Variants in LRP1 observed in about 807,000 individuals in gnomAD.
LRP1 encodes prolow-density lipoprotein receptor-related protein 1.
LRP1 carries 51 observed loss-of-function variants against 541.5 expected under a neutral mutation model. The observed-to-expected ratio is 0.09, with a 90% CI of 0.08 to 0.12. LRP1 has a LOEUF of 0.12. Ranked by LOEUF, LRP1 falls within the 10% of genes least tolerant of loss-of-function variation. The pLI, the probability that LRP1 is intolerant of heterozygous loss-of-function variation, is 1.00. For synonymous variants in LRP1, 2,219 were observed against 2,470.8 expected (o/e 0.90, Z 3.02); for missense variants, 3,878 against 6,376.2 (o/e 0.61, Z 13.34).
intron 41 of LRP1, among the ~76,000 whole-genome samples, chr12:57,186,916 G>A (rs1381917733): frequency 6.6e-6 from 1 of 152,170 alleles, no homozygotes; most frequent in African/African-American, 2.4e-5. Flanking sequence ...TTTAAGTAGG[G>A]GGCTCCCCAG....
At chr12:57,147,695 G>T (rs1175797101) in intron 6 of LRP1, 1 of 152,248 alleles carries the variant, frequency 6.6e-6, no homozygotes, top group Non-Finnish European at 1.5e-5. Flanking sequence ...AGAAGGGGGA[G>T]CCTGCCCCAG....
At chr12:57,187,806 A>G (rs1339668557) in intron 42 of LRP1, among the ~76,000 whole-genome samples, 1 of 152,156 alleles carries the variant, frequency 6.6e-6, no homozygotes, top group Non-Finnish European at 1.5e-5. Context: ...TGTTTGTCGA[A>G]CCCTTCGTAC....
At chr12:57,190,682 T>C (rs1193978451) in intron 42 of LRP1, 123 bp from the exon 43 acceptor site, 56 of 769,452 alleles carry the variant, frequency 7.3e-5, no homozygotes, top group Non-Finnish European at 1.1e-4. Context: ...CTGGCCTCTA[T>C]GGCTCTGGGG....
intron 22 of LRP1, among the ~76,000 whole-genome samples, 184 bp from the exon 23 acceptor site, chr12:57,175,276 G>A (rs1565733512): frequency 6.6e-6 from 1 of 152,214 alleles, no homozygotes; most frequent in East Asian, 1.9e-4. Context: ...GGTCCTGAGG[G>A]AGCCCAGGAA....
intron 42 of LRP1, 33 bp downstream of exon 42, chr12:57,187,489 G>A (rs1033542119): frequency 1.6e-5 from 26 of 1,593,892 alleles, no homozygotes; most frequent in Non-Finnish European, 2.1e-5. Flanking sequence ...GGGTAGCAGG[G>A]AGAGGTGGGA....
chr12:57,207,322 TA>T (rs895081432), intron 76 of LRP1, among the ~76,000 whole-genome samples: 29 of 83,430 alleles, frequency 3.5e-4, no homozygotes, highest in Admixed American at 1.1e-3. Context: ...AATAAATAAA[TA>T]AAATAAAATA....
chr12:57,175,768 G>A, intron 23 of LRP1, 63 bp downstream of exon 23: 2 of 1,550,184 alleles, frequency 1.3e-6, no homozygotes, highest in Non-Finnish European at 1.7e-6. Flanking sequence ...CAGTGGGTTG[G>A]GCTTGGTGGC....
In LRP1 at chr12:57,191,606, G is replaced by A. The variant is rs34599145; in HGVS notation, c.7429+94G>A. 2.4e-3 allele frequency: 2,645 copies of A among 1,104,948 alleles called. 42 individuals carry two copies. The African/African-American group carries it at 0.038, about 16-fold the overall frequency. The allele number at this position is 1,104,948 out of a possible 1,614,324, so 68.4% of individuals were successfully genotyped here. On this transcript the variant is annotated intron_variant, in intron 44 of 88. Transcript: ENST00000243077. Reference sequence around the variant, plus strand: ...CACACACACATCGCACATACCACACGCACCCTACACATACCACACACACAC... The same window carrying A: ...CACACACACATCGCACATACCACACACACCCTACACATACCACACACACAC...
Position 57,156,668 on chromosome 12 carries a change from C to A in LRP1, c.1418-109C>A. The A allele has an allele frequency of 2.4e-6, 3 of 1,276,306 alleles. No homozygotes were observed. The highest frequency in any genetic ancestry group is 2.1e-6 in the Non-Finnish European group (2 of 942,466). 79.1% of individuals were successfully genotyped at this position (1,276,306 alleles called of 1,614,324 possible). A position where few individuals can be genotyped will look rare whatever the true frequency, so the allele number is the denominator to read the frequency against. On this transcript the variant is annotated intron_variant, in intron 9 of 88. Transcript: ENST00000243077. The surrounding 1 kb of genome is among the most constrained non-coding windows in gnomAD (Gnocchi z 5.2). ...GCTTCCAAATCCTAAAATGGGATAG[C>A]AAGCACAAAGACCACAGCAGCAGGG...
At chr12:57,167,099 G>A in intron 18 of LRP1, 53 bp downstream of exon 18, 4 of 1,476,428 alleles carry the variant, frequency 2.7e-6, no homozygotes, top group Non-Finnish European at 3.8e-6. Flanking sequence ...GGGGCATCCT[G>A]AGAGCATGCC....
rs1246420118 is a variant in LRP1 at position 57,189,837 on chromosome 12, C to A, written c.7032-968C>A. 1.3e-5 allele frequency among the ~76,000 whole-genome samples: 2 copies of A among 152,068 alleles called. No homozygotes were observed. The highest frequency in any genetic ancestry group is 2.9e-5 in the Non-Finnish European group (2 of 67,998). ...GCCTAGGAGCAAGAGAATGTGGAGT[C>A]CCCTGCCCCGCCCTGGGCCTAGCTG... On this transcript the variant is annotated intron_variant, in intron 42 of 88. Coordinates refer to ENST00000243077, the MANE Select transcript of LRP1 (RefSeq NM_002332.3). The surrounding 1 kb of genome is among the most constrained non-coding windows in gnomAD (Gnocchi z 4.4).
Position 57,183,624 on chromosome 12 carries a change from T to C in LRP1, c.5794+114T>C. 6.7e-7 allele frequency: 1 copy of C among 1,488,690 alleles called. No individual in the cohort carries two copies. The highest frequency in any genetic ancestry group is 1.3e-5 in the South Asian group (1 of 77,404). The allele number at this position is 1,488,690 out of a possible 1,614,324, so 92.2% of individuals were successfully genotyped here. A position where few individuals can be genotyped will look rare whatever the true frequency, so the allele number is the denominator to read the frequency against. On this transcript the variant is annotated intron_variant, in intron 35 of 88. Transcript: ENST00000243077. The surrounding 1 kb of genome is among the most constrained non-coding windows in gnomAD (Gnocchi z 6.1). ...CCTGAATTGGCCTGAGGTGGGGCAC[T>C]TGCTACAGCTGCCACCCTGACTCCA...
At chr12:57,171,082 T>C (rs145131977) in intron 20 of LRP1, among the ~76,000 whole-genome samples, 1 of 152,196 alleles carries the variant, frequency 6.6e-6, no homozygotes, top group Non-Finnish European at 1.5e-5. Flanking sequence ...ACAGGTGATA[T>C]CCCTTAGGGT....
At chr12:57,143,206 G>A (rs34393552) in intron 3 of LRP1, among the ~76,000 whole-genome samples, 3,866 of 152,258 alleles carry the variant, frequency 0.025, 60 homozygotes, top group Non-Finnish European at 0.036. Context: ...CTAGGGCTCC[G>A]GGGATGGGTT....
chr12:57,211,789 C>G lies in LRP1; in HGVS notation c.13233C>G (p.His4411Gln), dbSNP rs370948569. 2.5e-5 allele frequency: 41 copies of G among 1,612,858 alleles called. No homozygotes were observed. Among genetic ancestry groups the G allele is most frequent in the Non-Finnish European group, 3.2e-5 (38 of 1,179,942 alleles). Residue 4411 changes from histidine (H) to glutamine (Q), a missense_variant, in exon 86 of 89, where the codon CAC becomes CAG. By Grantham distance (24) the His-to-Gln change is conservative. This residue lies in a region of LRP1 where 871 missense variants were observed against 1,212.4 expected (regional missense o/e 0.72). Coordinates refer to ENST00000243077, the MANE Select transcript of LRP1 (RefSeq NM_002332.3). This position sits in a 1 kb window ranked among gnomAD's most constrained non-coding sequence, Gnocchi z 4.3. ...TGACAGGGCCCCGGTGTGAGGAGCA[C>G]GTCTTCAGCCAGCAGCAGCCAGGAC... is the stretch of plus-strand genomic sequence containing the variant. ...PHMTGPRCEE[H>Q]VFSQQQPGHI...
At chr12:57,186,760 T>G (rs2036278787) in intron 41 of LRP1, among the ~76,000 whole-genome samples, 1 of 152,244 alleles carries the variant, frequency 6.6e-6, no homozygotes. Flanking sequence ...GCATGGCCCT[T>G]TGGCAGCCAC....
Position 57,179,002 on chromosome 12 carries a change from G to A in LRP1, c.4719G>A (p.Lys1573=), listed in dbSNP as rs1211595042. 2.5e-6 allele frequency: 4 copies of A among 1,614,078 alleles called. No homozygotes were observed. The East Asian group carries it at 6.7e-5, about 27-fold the overall frequency. Residue 1573 remains lysine, a synonymous_variant, in exon 28 of 89, where the codon AAG becomes AAA. Transcript: ENST00000243077. This position sits in a 1 kb window ranked among gnomAD's most constrained non-coding sequence, Gnocchi z 6.8. ...GCCCCCACCTCATGAAGCTCCACAA[G>A]GACAACACCACCTGCTATGGTAGGA... The part of the protein sequence containing the change: ...CACPHLMKLH[K]DNTTCYEFKK...
In LRP1 at chr12:57,183,366, C is replaced by T. The variant is rs1231931086; in HGVS notation, c.5663-13C>T. The T allele has an allele frequency of 5.0e-6, 8 of 1,594,442 alleles. No individual in the cohort carries two copies. The highest frequency in any genetic ancestry group is 2.7e-5 in the African/African-American group (2 of 74,418). ...TTGGCGATACCCATGCCTTAAGTTT[C>T]CTTGTCTTTCAGGCGTAGGTTCCTT... On this transcript the variant is annotated splice_polypyrimidine_tract_variant and intron_variant, in intron 34 of 88. Transcript: ENST00000243077. This position sits in a 1 kb window ranked among gnomAD's most constrained non-coding sequence, Gnocchi z 6.1.
Position 57,208,789 on chromosome 12 carries a change from G to A in LRP1, c.12117G>A (p.Leu4039=). 1 of 1,614,052 alleles carries A rather than the reference G, an allele frequency of 6.2e-7. No individual in the cohort carries two copies. Among genetic ancestry groups the A allele is most frequent in the Non-Finnish European group, 8.5e-7 (1 of 1,179,990 alleles). ...TGGATGGGACGCTTCGGGAGACACT[G>A]GTGCAGGACAACATTCAGTGGCCCA... is the stretch of plus-strand genomic sequence containing the variant. ...AAMDGTLRET[L]VQDNIQWPTG... Residue 4039 remains leucine, a synonymous_variant, in exon 78 of 89, where the codon CTG becomes CTA. Transcript: ENST00000243077.
Sources: gnomAD v4.1 joint callset for allele counts (sites outside exome capture counted in the v4.1 genomes callset) on GRCh38, gnomAD v4.1.1 for gene constraint, gnomAD v4.1.1 regional missense constraint, Gnocchi (gnomAD v3.1) non-coding constraint, MANE v1.5 for transcripts, NCBI Gene and HGNC (gene_info 2026-07-23, HGNC 2026-07-21) for gene names.